Variants in IFT57 observed in about 807,000 individuals in gnomAD.
IFT57 encodes intraflagellar transport 57.
A neutral mutation model predicts 56.8 loss-of-function variants in IFT57; 59 were observed. The ratio of observed to expected loss-of-function variants is 1.04; its 90% CI spans 0.84 to 1.29. IFT57 has a LOEUF of 1.29. Ranked by LOEUF, IFT57 falls within the 50% of genes most tolerant of loss-of-function variation. The pLI is 0.00. For synonymous variants in IFT57, 209 were observed against 186.1 expected, an observed-to-expected ratio of 1.12 and a Z score of -1.00; for missense variants, 470 against 522.1, an observed-to-expected ratio of 0.90 and a Z score of 0.97.
At chr3:108,185,670 T>C (rs1032933437) in intron 6 of IFT57, among the ~76,000 whole-genome samples, 1 of 149,496 alleles carries the variant, frequency 6.7e-6, no homozygotes, top group Non-Finnish European at 1.5e-5. Context: ...GCGATTCTCC[T>C]GCCAGCACTA....
intron 5 of IFT57, among the ~76,000 whole-genome samples, chr3:108,206,041 TATATATTATATATTATTTATATATAATA>T (rs1448383969): frequency 1.0e-4 from 12 of 118,514 alleles, no homozygotes; most frequent in Non-Finnish European, 1.7e-4. Flanking sequence ...TTATTTATAA[TATATATTATATATTATTTATATATAATA>T]ATATATTATA....
chr3:108,198,866 T>C (rs1167685450), intron 5 of IFT57, among the ~76,000 whole-genome samples: 1 of 152,210 alleles, frequency 6.6e-6, no homozygotes, highest in African/African-American at 2.4e-5. Flanking sequence ...ATTATCTCTT[T>C]ACCATTTAAT....
chr3:108,196,837 C>G (rs1266205010), intron 5 of IFT57, among the ~76,000 whole-genome samples: 1 of 152,162 alleles, frequency 6.6e-6, no homozygotes, highest in Non-Finnish European at 1.5e-5. Flanking sequence ...ATTTCATAAC[C>G]TCATTCCTCA....
chr3:108,198,225 A>G (rs2080254751), intron 5 of IFT57, among the ~76,000 whole-genome samples: 1 of 152,158 alleles, frequency 6.6e-6, no homozygotes, highest in Admixed American at 6.5e-5. Context: ...ATGTCTATCA[A>G]CCCTTTGCAC....
At chr3:108,190,111 G>A (rs2080207083) in intron 6 of IFT57, among the ~76,000 whole-genome samples, 1 of 152,126 alleles carries the variant, frequency 6.6e-6, no homozygotes. Context: ...GCCTATAAGT[G>A]GACCTGTGCA....
chr3:108,191,682 A>T, intron 5 of IFT57, 39 bp from the exon 6 acceptor site: 1 of 1,538,600 alleles, frequency 6.5e-7, no homozygotes. Flanking sequence ...AGAGTTTATA[A>T]AAAGAAATGG....
chr3:108,187,545 T>C (rs1315329069), intron 6 of IFT57, among the ~76,000 whole-genome samples: 1 of 151,978 alleles, frequency 6.6e-6, no homozygotes, highest in Non-Finnish European at 1.5e-5. Flanking sequence ...CATGATTTTG[T>C]TTCTTTACTT....
intron 6 of IFT57, among the ~76,000 whole-genome samples, chr3:108,175,596 C>T (rs2108311642): frequency 6.6e-6 from 1 of 151,906 alleles, no homozygotes; most frequent in East Asian, 1.9e-4. Flanking sequence ...GGTTTTACTT[C>T]AACACAATAA....
intron 7 of IFT57, 146 bp downstream of exon 7, chr3:108,167,647 G>T (rs2080069740): frequency 5.8e-6 from 2 of 344,640 alleles, no homozygotes; most frequent in South Asian, 6.8e-5. Flanking sequence ...TTAAATGTAA[G>T]GTCAGTTGAA....
chr3:108,199,854 T>G (rs1442420472), intron 5 of IFT57, among the ~76,000 whole-genome samples: 3 of 152,214 alleles, frequency 2.0e-5, no homozygotes, highest in African/African-American at 7.2e-5. Flanking sequence ...ATAGAAGAGA[T>G]AGAATTTGAG....
chr3:108,219,112 T>G (rs1285402061), intron 2 of IFT57, among the ~76,000 whole-genome samples: 1 of 58,860 alleles, frequency 1.7e-5, no homozygotes, highest in African/African-American at 4.6e-5. Context: ...TTTGGCTTTG[T>G]AGGATTTTTT....
rs1260428171 is a variant in IFT57, at chr3:108,161,918, T to G, written c.*559A>C. 6.6e-6 allele frequency: 1 copy of G among 152,164 alleles called. No individual in the cohort carries two copies. Among genetic ancestry groups the G allele is most frequent in the African/African-American group, 2.4e-5 (1 of 41,442 alleles). 9.4% of individuals were successfully genotyped at this position (152,164 alleles called of 1,614,324 possible). On this transcript the variant is annotated 3_prime_UTR_variant, in exon 11 of 11. Transcript: ENST00000264538. ...AAGATAGATTCCCTATAAAATCATTTTAGCCACGAAATATTCATAAGAAAC... is the reference window on the plus strand; with the variant it reads ...AAGATAGATTCCCTATAAAATCATTGTAGCCACGAAATATTCATAAGAAAC...
intron 6 of IFT57, among the ~76,000 whole-genome samples, chr3:108,178,392 A>G (rs11922835): frequency 0.097 from 14,815 of 151,992 alleles, 789 homozygotes; most frequent in Middle Eastern, 0.12. Flanking sequence ...TTCTTAAAAC[A>G]TAAGTATTAG....
intron 5 of IFT57, among the ~76,000 whole-genome samples, chr3:108,192,204 A>G (rs922021160): frequency 6.7e-6 from 1 of 149,368 alleles, no homozygotes; most frequent in Admixed American, 6.7e-5. Flanking sequence ...AAAGGGAAAC[A>G]CTTAAATTTA....
chr3:108,193,682 T>A (rs2080228382), intron 5 of IFT57, among the ~76,000 whole-genome samples: 1 of 152,190 alleles, frequency 6.6e-6, no homozygotes, highest in Non-Finnish European at 1.5e-5. Flanking sequence ...AGGTGCTGCA[T>A]TCACAAAGCA....
chr3:108,178,551 ACTT>A (rs1403075813), intron 6 of IFT57, among the ~76,000 whole-genome samples: 1 of 151,970 alleles, frequency 6.6e-6, no homozygotes, highest in Admixed American at 6.6e-5. Context: ...TATATAAAGA[ACTT>A]CTATAAATCA....
chr3:108,216,274 AAC>A (rs1269138837), intron 3 of IFT57, among the ~76,000 whole-genome samples: 1 of 152,226 alleles, frequency 6.6e-6, no homozygotes, highest in East Asian at 1.9e-4. Flanking sequence ...ATAGCAAAAC[AAC>A]AACAAAAAAA....
chr3:108,207,936 G>A (rs533402460), intron 4 of IFT57, among the ~76,000 whole-genome samples: 33 of 152,168 alleles, frequency 2.2e-4, no homozygotes, highest in African/African-American at 5.1e-4. Context: ...CCAGCTACAC[G>A]GGAGGCTGAG....
chr3:108,182,775 C>T (rs562420235), intron 6 of IFT57, among the ~76,000 whole-genome samples: 4 of 152,178 alleles, frequency 2.6e-5, no homozygotes, highest in Non-Finnish European at 5.9e-5. Flanking sequence ...AAAATAATCT[C>T]TTTATCTAAA....
Sources: gnomAD v4.1 joint callset for allele counts (sites outside exome capture counted in the v4.1 genomes callset) on GRCh38, gnomAD v4.1.1 for gene constraint, MANE v1.5 for transcripts, NCBI Gene and HGNC (gene_info 2026-07-23, HGNC 2026-07-21) for gene names.